Variants in SYNPR observed in about 807,000 individuals in gnomAD.
SYNPR encodes synaptoporin.
Under a neutral mutation model 32.9 loss-of-function variants are expected in SYNPR, and 23 were observed. The ratio of observed to expected loss-of-function variants is 0.70; its 90% CI spans 0.50 to 0.99. SYNPR has a LOEUF of 0.99. Among genes scored for constraint, SYNPR ranks in the 50% least tolerant of loss-of-function variants. The probability of loss-of-function intolerance (pLI) is 0.00; values close to 1 mark genes in which losing one functional copy is unlikely to be tolerated. For missense variants in SYNPR, 318 were observed against 349.3 expected (o/e 0.91, Z 0.71); for synonymous variants, 146 against 135.9 (o/e 1.07, Z -0.52).
At chr3:63,363,010 T>G (rs1485836174) in intron 2 of SYNPR, among the ~76,000 whole-genome samples, 1 of 152,194 alleles carries the variant, frequency 6.6e-6, no homozygotes, top group African/African-American at 2.4e-5. Context: ...TGAACTGTAG[T>G]AAGTAGAATG....
intron 1 of SYNPR, 57 bp downstream of exon 1, chr3:63,278,608 G>T: frequency 7.1e-6 from 11 of 1,550,590 alleles, no homozygotes; most frequent in Non-Finnish European, 9.6e-6. Flanking sequence ...GGATGCCGCG[G>T]CTTGGGAGAG....
chr3:63,483,067 A>G (rs1701077883), intron 3 of SYNPR, among the ~76,000 whole-genome samples: 1 of 152,240 alleles, frequency 6.6e-6, no homozygotes, highest in Non-Finnish European at 1.5e-5. Flanking sequence ...AGTAGGTATC[A>G]AGATTTAAAT....
rs375476147 is a variant in SYNPR, at chr3:63,490,272, G to A, written c.209+9316G>A. ...AGTTTTGCTGGATTGGAATGAGGAA[G>A]AGGAGAGCTGCAGGAGATGAAGCTG... On this transcript the variant is annotated intron_variant, in intron 3 of 5. Coordinates refer to ENST00000478300, the MANE Select transcript of SYNPR (RefSeq NM_001130003.2). Among the ~76,000 whole-genome samples, 4 of 152,236 alleles carry A rather than the reference G, an allele frequency of 2.6e-5. No individual in the cohort carries two copies. In the East Asian group the frequency reaches 7.7e-4, roughly 29 times the overall value.
intron 4 of SYNPR, among the ~76,000 whole-genome samples, chr3:63,579,328 G>T (rs1297012692): frequency 1.3e-5 from 2 of 152,046 alleles, no homozygotes; most frequent in Non-Finnish European, 2.9e-5. Context: ...TATTCACATG[G>T]CTGGCTCCCA....
intron 1 of SYNPR, among the ~76,000 whole-genome samples, chr3:63,242,257 G>A (rs1425288627): frequency 6.6e-6 from 1 of 152,030 alleles, no homozygotes; most frequent in Admixed American, 6.6e-5. Flanking sequence ...GCTATGAGAA[G>A]CAGGTACAGG....
At chr3:63,479,451 C>A (rs188342215) in intron 2 of SYNPR, among the ~76,000 whole-genome samples, 87 of 152,268 alleles carry the variant, frequency 5.7e-4, no homozygotes, top group African/African-American at 1.7e-3. Context: ...CACATGCACA[C>A]ACACATACAC....
chr3:63,398,604 G>T (rs2088248839), intron 2 of SYNPR, among the ~76,000 whole-genome samples: 1 of 151,866 alleles, frequency 6.6e-6, no homozygotes, highest in Non-Finnish European at 1.5e-5. Context: ...TGTACTCCCA[G>T]CTGCTCAGGA....
chr3:63,228,696 G>C (rs1575570191), intron 1 of SYNPR, among the ~76,000 whole-genome samples: 1 of 151,974 alleles, frequency 6.6e-6, no homozygotes, highest in Middle Eastern at 3.4e-3. Flanking sequence ...AACAAAGAAA[G>C]AGAGAATTTC....
chr3:63,220,564 G>C, the SYNPR span, among the ~76,000 whole-genome samples: 1 of 152,198 alleles, frequency 6.6e-6, no homozygotes, highest in South Asian at 2.1e-4. Flanking sequence ...GAGAAGACTT[G>C]CTCTTTCCTG....
chr3:63,319,155 G>C (rs547866208), intron 2 of SYNPR, among the ~76,000 whole-genome samples: 5 of 152,088 alleles, frequency 3.3e-5, no homozygotes, highest in African/African-American at 1.2e-4. Flanking sequence ...TGTTCTAGTG[G>C]AGATGGCACT....
intron 2 of SYNPR, among the ~76,000 whole-genome samples, chr3:63,341,731 T>C (rs1036489606): frequency 4.6e-5 from 7 of 152,250 alleles, no homozygotes; most frequent in African/African-American, 1.7e-4. Context: ...TCTTTATGTA[T>C]CTTGGATACA....
chr3:63,569,740 A>C (rs1277116174), intron 4 of SYNPR, among the ~76,000 whole-genome samples: 1 of 152,222 alleles, frequency 6.6e-6, no homozygotes, highest in Non-Finnish European at 1.5e-5. Context: ...TCAAAAAGTG[A>C]AGTTCAAAAC....
chr3:63,500,581 G>C (rs769931098), intron 3 of SYNPR, among the ~76,000 whole-genome samples: 1 of 152,208 alleles, frequency 6.6e-6, no homozygotes, highest in Non-Finnish European at 1.5e-5. Context: ...GATGTGGACT[G>C]TAATGATCAT....
chr3:63,271,548 T>C lies in SYNPR; in HGVS notation n.287+4099T>C, dbSNP rs533716335. Among the ~76,000 whole-genome samples, 28 of 152,276 alleles carry C rather than the reference T, an allele frequency of 1.8e-4. No individual in the cohort carries two copies. In the East Asian group the frequency reaches 3.3e-3, roughly 18 times the overall value. ...TGCATGCAGTATACTTTGGATTACA[T>C]ACTTTTGTTAAGTATATGGTAGAAT... On this transcript the variant is annotated intron_variant and non_coding_transcript_variant, in intron 3 of 4. Coordinates refer to the SYNPR transcript ENST00000478456.
At chr3:63,552,962 T>A (rs2106823340) in intron 3 of SYNPR, among the ~76,000 whole-genome samples, 1 of 152,278 alleles carries the variant, frequency 6.6e-6, no homozygotes, top group Admixed American at 6.5e-5. Context: ...AACAAATCTG[T>A]TGGTTTTTTT....
intron 4 of SYNPR, among the ~76,000 whole-genome samples, chr3:63,569,783 A>C (rs1424450003): frequency 6.6e-6 from 1 of 152,246 alleles, no homozygotes; most frequent in Non-Finnish European, 1.5e-5. Context: ...AAATGGAAGA[A>C]AAAACAAACA....
chr3:63,541,164 T>C (rs1702295325), intron 3 of SYNPR, among the ~76,000 whole-genome samples: 2 of 150,872 alleles, frequency 1.3e-5, no homozygotes, highest in Non-Finnish European at 1.5e-5. Flanking sequence ...AGAGAAAGAA[T>C]AAAACCAAGC....
intron 3 of SYNPR, among the ~76,000 whole-genome samples, chr3:63,537,701 T>G (rs1049472644): frequency 6.6e-6 from 1 of 152,146 alleles, no homozygotes; most frequent in African/African-American, 2.4e-5. Context: ...AGAAAGTGTC[T>G]TAGAGTTCAG....
At chr3:63,611,257 G>C (rs1700192841) in intron 5 of SYNPR, among the ~76,000 whole-genome samples, 2 of 152,176 alleles carry the variant, frequency 1.3e-5, no homozygotes, top group Admixed American at 6.5e-5. Flanking sequence ...TAGATGTTCA[G>C]TACCAAATAA....
Sources: allele counts gnomAD v4.1 joint callset (sites outside exome capture counted in the v4.1 genomes callset), GRCh38; gene constraint gnomAD v4.1.1; transcripts MANE v1.5; gene names NCBI Gene and HGNC (gene_info 2026-07-23, HGNC 2026-07-21).